The following ERICH1 variants were observed in gnomAD, a reference collection of about 807,000 sequenced individuals.
ERICH1 encodes glutamate-rich protein 1.
ERICH1 carries 56 observed loss-of-function variants against 39.6 expected under a neutral mutation model. The observed-to-expected ratio is 1.41, with a 90% confidence interval of 1.14 to 1.77. ERICH1 has a LOEUF of 1.77. Among genes scored for constraint, ERICH1 ranks in the 40% most tolerant of loss-of-function variants. ERICH1 has a pLI of 0.00. For synonymous variants in ERICH1, 313 were observed against 223.6 expected, an observed-to-expected ratio of 1.40 and a Z score of -3.57; for missense variants, 826 against 575.4, an observed-to-expected ratio of 1.44 and a Z score of -4.45.
intron 4 of ERICH1, among the ~76,000 whole-genome samples, chr8:670,577 G>T (rs1803075138): frequency 6.6e-6 from 1 of 152,204 alleles, no homozygotes; most frequent in South Asian, 2.1e-4. Flanking sequence ...GCCCTGCTCT[G>T]CTGGGCTCGA....
chr8:621,517 ATAAT>A (rs1483663230), intron 3 of ERICH1, among the ~76,000 whole-genome samples: 3 of 151,560 alleles, frequency 2.0e-5, no homozygotes, highest in Non-Finnish European at 2.9e-5. Flanking sequence ...AATAATTAAA[ATAAT>A]TAAATAATTA....
intron 3 of ERICH1, among the ~76,000 whole-genome samples, chr8:688,191 C>T (rs973082486): frequency 6.7e-6 from 1 of 149,968 alleles, no homozygotes; most frequent in African/African-American, 2.5e-5. Flanking sequence ...GCGCAGGACA[C>T]GGCAAGGCCC....
intron 3 of ERICH1, among the ~76,000 whole-genome samples, chr8:657,060 T>C (rs1048168382): frequency 1.3e-5 from 2 of 152,234 alleles, no homozygotes; most frequent in Non-Finnish European, 2.9e-5. Context: ...ATATGGATTT[T>C]TTTATACAAC....
chr8:729,839 C>A (rs1352316961), intron 1 of ERICH1, among the ~76,000 whole-genome samples: 1 of 151,612 alleles, frequency 6.6e-6, no homozygotes, highest in Admixed American at 6.6e-5. Flanking sequence ...TGATTAGGTA[C>A]ATTACAGATG....
chr8:668,655 T>C lies in ERICH1; in HGVS notation c.1201A>G (p.Thr401Ala). 2 of 1,614,218 alleles carry C rather than the reference T, an allele frequency of 1.2e-6. No homozygotes were observed. The highest frequency in any genetic ancestry group is 1.7e-6 in the Non-Finnish European group (2 of 1,180,042). The change falls in exon 5 of 6, where the codon ACT becomes GCT. Residue 401 changes from threonine to alanine, a missense_variant. Transcript: ENST00000262109. ...HMKTLLLLQD[T>A]ERLKHALEMF... ...TCCAGAGCATGCTTCAATCTCTCAG[T>C]ATCTTGCAGGAGCAGCAGCGTTTTC... is the stretch of plus-strand genomic sequence containing the variant.
intron 3 of ERICH1, among the ~76,000 whole-genome samples, chr8:687,619 G>A (rs1050219804): frequency 3.3e-5 from 5 of 152,182 alleles, no homozygotes; most frequent in African/African-American, 1.2e-4. Flanking sequence ...TCCCTGTGGA[G>A]CGCAGCAGGA....
intron 3 of ERICH1, among the ~76,000 whole-genome samples, chr8:655,688 CT>C (rs1800559892): frequency 6.8e-6 from 1 of 146,426 alleles, no homozygotes; most frequent in Non-Finnish European, 1.5e-5. Context: ...TCCTTCCTTC[CT>C]TCCTTCCTTC....
intron 2 of ERICH1, among the ~76,000 whole-genome samples, chr8:705,944 G>A (rs987694397): frequency 6.6e-6 from 1 of 152,192 alleles, no homozygotes; most frequent in Non-Finnish European, 1.5e-5. Flanking sequence ...TGAAAGGCTG[G>A]CTGCATATAG....
chr8:665,803 G>A (rs1398121810), intron 5 of ERICH1, among the ~76,000 whole-genome samples: 1 of 152,246 alleles, frequency 6.6e-6, no homozygotes, highest in African/African-American at 2.4e-5. Context: ...AGGAGAGGCA[G>A]AGGAGACGTG....
intron 1 of ERICH1, among the ~76,000 whole-genome samples, chr8:717,087 G>C (rs144746455): frequency 6.6e-6 from 1 of 152,164 alleles, no homozygotes; most frequent in East Asian, 1.9e-4. Context: ...GTGCAGTGTG[G>C]TCATGAACAA....
At chr8:658,556 T>C (rs1800964551) in intron 3 of ERICH1, among the ~76,000 whole-genome samples, 1 of 152,202 alleles carries the variant, frequency 6.6e-6, no homozygotes, top group African/African-American at 2.4e-5. Context: ...TGTCATGGGC[T>C]GAACTATCCG....
At chr8:698,711 C>A (rs1810950016) in intron 2 of ERICH1, among the ~76,000 whole-genome samples, 1 of 152,134 alleles carries the variant, frequency 6.6e-6, no homozygotes, top group Non-Finnish European at 1.5e-5. Context: ...CTCCTGGGCT[C>A]AAGCAATCCT....
chr8:670,171 G>T (rs1316689978), intron 4 of ERICH1, among the ~76,000 whole-genome samples: 1 of 152,046 alleles, frequency 6.6e-6, no homozygotes, highest in Non-Finnish European at 1.5e-5. Context: ...TGTCTTTTGA[G>T]GCCTGAATTT....
intron 2 of ERICH1, among the ~76,000 whole-genome samples, chr8:705,828 A>T (rs7834337): frequency 2.6e-5 from 4 of 152,112 alleles, no homozygotes; most frequent in African/African-American, 9.7e-5. Flanking sequence ...CACAAAAGAC[A>T]CTGGTGAAAG....
At chr8:726,664 C>T (rs1052322928) in intron 1 of ERICH1, among the ~76,000 whole-genome samples, 1 of 151,214 alleles carries the variant, frequency 6.6e-6, no homozygotes, top group African/African-American at 2.5e-5. Flanking sequence ...AAGTGCCACA[C>T]ACAGACGTGT....
At chr8:633,250 C>T (rs1798165692) in intron 3 of ERICH1, among the ~76,000 whole-genome samples, 1 of 152,182 alleles carries the variant, frequency 6.6e-6, no homozygotes, top group Non-Finnish European at 1.5e-5. Context: ...GAAAACCCCT[C>T]ACATTCAAGC....
intron 3 of ERICH1, among the ~76,000 whole-genome samples, chr8:622,956 C>A (rs201913310): frequency 3.5e-5 from 5 of 143,866 alleles, no homozygotes; most frequent in African/African-American, 7.8e-5. Context: ...GATCCGCTCT[C>A]AATAAATAAA....
chr8:623,225 G>C (rs1797395903), intron 3 of ERICH1, among the ~76,000 whole-genome samples: 1 of 152,140 alleles, frequency 6.6e-6, no homozygotes, highest in African/African-American at 2.4e-5. Flanking sequence ...ATTTATCCTA[G>C]GAATTCAAGG....
rs1563319375 is a variant in ERICH1 at position 708,683 on chromosome 8, T to TTTTTG, written c.169+7177_169+7178insCAAAA. The stretch of plus-strand genomic sequence containing the variant: ...GCTGAGTGGTTACGGGATAATGAGT[T>TTTTTG]TTTTTTTTTTTTTTTTTTTTTTTTT... On this transcript the variant is annotated intron_variant, in intron 2 of 5. Coordinates refer to ENST00000262109, the MANE Select transcript of ERICH1 (RefSeq NM_207332.3). Among the ~76,000 whole-genome samples the TTTTTG allele has an allele frequency of 2.4e-4, 10 of 42,486 alleles. 3 individuals carry two copies. The highest frequency in any genetic ancestry group is 2.2e-3 in the South Asian group (2 of 894). The allele number at this position is 42,486 out of a possible 152,430, so 27.9% of individuals were successfully genotyped here. A position where few individuals can be genotyped will look rare whatever the true frequency, so the allele number is the denominator to read the frequency against.
Sources: gnomAD v4.1 joint callset for allele counts (sites outside exome capture counted in the v4.1 genomes callset) on GRCh38, gnomAD v4.1.1 for gene constraint, MANE v1.5 for transcripts, NCBI Gene and HGNC (gene_info 2026-07-23, HGNC 2026-07-21) for gene names.